Variants in FADS2 observed in about 807,000 individuals in gnomAD.
FADS2 encodes acyl-CoA 6-desaturase.
Under a neutral mutation model 61.2 loss-of-function variants are expected in FADS2, and 18 were observed. The observed-to-expected ratio is 0.29, with a 90% CI of 0.20 to 0.44. The LOEUF is 0.44. FADS2 is among the 20% of genes least tolerant of loss of function. The pLI is 1.00. For missense variants in FADS2, 322 were observed against 572.7 expected (o/e 0.56, Z 4.47); for synonymous variants, 203 against 223.9 (o/e 0.91, Z 0.83).
At chr11:61,820,562 T>G (rs1222379410) in intron 1 of FADS2, among the ~76,000 whole-genome samples, 1 of 152,152 alleles carries the variant, frequency 6.6e-6, no homozygotes, top group Non-Finnish European at 1.5e-5. Flanking sequence ...CCAATACATA[T>G]TCAGAGCACC....
chr11:61,863,352 G>C lies in FADS2; in HGVS notation c.1051G>C (p.Ala351Pro). 6.2e-7 allele frequency: 1 copy of C among 1,613,860 alleles called. No homozygotes were observed. The change falls in exon 9 of 12, where the codon GCC becomes CCC. Residue 351 changes from alanine (A) to proline (P), a missense_variant. Around this residue, in one of 3 missense-constraint regions of FADS2, gnomAD observed 221 missense variants for 427.9 expected, o/e 0.52. Transcript: ENST00000278840. Reference protein sequence around the residue: ...NHIVMEIDQEAYRDWFSSQLT... With the variant: ...NHIVMEIDQEPYRDWFSSQLT... ...CATCGTCATGGAGATTGACCAGGAG[G>C]CCTACCGTGACTGGTTCAGTAGCCA...
intron 1 of FADS2, among the ~76,000 whole-genome samples, chr11:61,834,784 A>G (rs576626946): frequency 6.6e-6 from 1 of 152,156 alleles, no homozygotes; most frequent in Admixed American, 6.5e-5. Context: ...AGGAGGACCA[A>G]TGAAGGGGCT....
At chr11:61,822,904 G>T (rs577197296) in intron 1 of FADS2, among the ~76,000 whole-genome samples, 1 of 152,210 alleles carries the variant, frequency 6.6e-6, no homozygotes, top group African/African-American at 2.4e-5. Context: ...ATAGATATTG[G>T]TTTCTATTTC....
At chr11:61,844,566 A>T (rs1436984960) in intron 4 of FADS2, among the ~76,000 whole-genome samples, 1 of 151,590 alleles carries the variant, frequency 6.6e-6, no homozygotes, top group Non-Finnish European at 1.5e-5. Flanking sequence ...AAAAATAAAC[A>T]TAAAAATTAT....
chr11:61,843,183 G>A (rs1424193328), intron 4 of FADS2, among the ~76,000 whole-genome samples: 1 of 152,208 alleles, frequency 6.6e-6, no homozygotes, highest in Non-Finnish European at 1.5e-5. Flanking sequence ...TAACCTCAGC[G>A]CTTTGGGAGG....
Position 61,828,588 on chromosome 11 carries a change from A to G in FADS2, c.198A>G (p.Glu66=). 6.2e-7 allele frequency: 1 copy of G among 1,613,652 alleles called. No individual in the cohort carries two copies. The highest frequency in any genetic ancestry group is 1.7e-5 in the Admixed American group (1 of 60,000). ...GQRVIGHYAG[E]DATDAFRAFH... is the part of the protein sequence containing the mutation. ...GGGTCATCGGGCACTACGCTGGAGA[A>G]GATGCAACGGTAAGGGTCTGGGGGC... is the stretch of plus-strand genomic sequence containing the variant. Residue 66 remains glutamate, a synonymous_variant, in exon 1 of 12, where the codon GAA becomes GAG. Coordinates refer to ENST00000278840, the MANE Select transcript of FADS2 (RefSeq NM_004265.4). The surrounding 1 kb of genome is among the most constrained non-coding windows in gnomAD (Gnocchi z 6.4).
upstream of FADS2, among the ~76,000 whole-genome samples, chr11:61,827,122 G>T (rs940134340): frequency 1.3e-5 from 2 of 152,158 alleles, no homozygotes; most frequent in Non-Finnish European, 2.9e-5. This position sits in a 1 kb window ranked among gnomAD's most constrained non-coding sequence, Gnocchi z 4.5. Flanking sequence ...GATGCAGTCA[G>T]GCCCATTTCC....
chr11:61,834,398 C>T (rs1296340467), intron 1 of FADS2, among the ~76,000 whole-genome samples: 2 of 152,254 alleles, frequency 1.3e-5, no homozygotes. Flanking sequence ...CCTGCATCTT[C>T]ACCTCAGAAG....
At chr11:61,824,494 GAAAGAAAGGAAAGAA>G (rs1565325439), upstream of FADS2, among the ~76,000 whole-genome samples, 8 of 8,476 alleles carry the variant, frequency 9.4e-4, no homozygotes, top group Non-Finnish European at 1.7e-3. Context: ...GAGAGAGAAA[GAAAGAAAGGAAAGAA>G]AGAAAGAAAG....
intron 5 of FADS2, among the ~76,000 whole-genome samples, chr11:61,853,515 G>A (rs1195086744): frequency 2.0e-5 from 3 of 152,002 alleles, no homozygotes; most frequent in Non-Finnish European, 4.4e-5. Context: ...TTCTGAGGGG[G>A]CTGGTGAGAC....
chr11:61,842,744 C>T (rs574212822), intron 4 of FADS2, among the ~76,000 whole-genome samples: 3 of 152,200 alleles, frequency 2.0e-5, no homozygotes, highest in Non-Finnish European at 4.4e-5. Context: ...AGGGGTGCCC[C>T]AGAGCACGGA....
intron 4 of FADS2, among the ~76,000 whole-genome samples, chr11:61,845,753 C>T (rs189048675): frequency 2.7e-3 from 386 of 145,296 alleles, no homozygotes; most frequent in Non-Finnish European, 3.6e-3. Flanking sequence ...CACTGCACTC[C>T]AGCCTGGGCG....
chr11:61,824,997 CA>C (rs2067071684), upstream of FADS2, among the ~76,000 whole-genome samples: 1 of 151,492 alleles, frequency 6.6e-6, no homozygotes, highest in Non-Finnish European at 1.5e-5. Context: ...TCGAGACCAT[CA>C]TGGCCAACAT....
intron 7 of FADS2, chr11:61,862,620 G>A (rs567046316): frequency 1.3e-5 from 4 of 307,430 alleles, no homozygotes; most frequent in South Asian, 1.0e-4. Flanking sequence ...GGACGGTTGG[G>A]GACCTGGCCC....
chr11:61,863,407 C>G, intron 9 of FADS2, 29 bp downstream of exon 9: 1 of 1,513,840 alleles, frequency 6.6e-7, no homozygotes, highest in Non-Finnish European at 9.2e-7. Context: ...GTCACCAGAG[C>G]CTGGTCCCAA....
chr11:61,822,789 TA>T (rs1200554275), intron 1 of FADS2, among the ~76,000 whole-genome samples: 2 of 152,254 alleles, frequency 1.3e-5, no homozygotes, highest in East Asian at 3.8e-4. Flanking sequence ...CATATATCTA[TA>T]AACACACATA....
At chr11:61,822,128 C>T in intron 1 of FADS2, among the ~76,000 whole-genome samples, 1 of 152,220 alleles carries the variant, frequency 6.6e-6, no homozygotes, top group East Asian at 1.9e-4. Flanking sequence ...TGCCACCACG[C>T]CTGGCTAATT....
intron 5 of FADS2, chr11:61,848,868 G>C (rs2067282897): frequency 6.5e-6 from 1 of 153,490 alleles, no homozygotes; most frequent in African/African-American, 2.4e-5. Flanking sequence ...GAAGGTCAGC[G>C]AGAGGATGGA....
At chr11:61,847,930 T>C (rs928613946) in intron 4 of FADS2, 10 of 513,202 alleles carry the variant, frequency 1.9e-5, no homozygotes, top group African/African-American at 1.3e-4. Context: ...CATCGTCTTA[T>C]GATCAGGGAA....
Sources: allele counts gnomAD v4.1 joint callset (sites outside exome capture counted in the v4.1 genomes callset), GRCh38; gene constraint gnomAD v4.1.1; regional missense constraint gnomAD v4.1.1; non-coding constraint Gnocchi (gnomAD v3.1); transcripts MANE v1.5; gene names NCBI Gene and HGNC (gene_info 2026-07-23, HGNC 2026-07-21).